The following LARGE1 variants were observed in gnomAD, a reference collection of about 807,000 sequenced individuals.
LARGE1 encodes the protein xylosyl- and glucuronyltransferase LARGE1.
Under a neutral mutation model 87.6 loss-of-function variants are expected in LARGE1, and 43 were observed. The ratio of observed to expected loss-of-function variants is 0.49; its 90% CI spans 0.38 to 0.63. The LOEUF (loss-of-function observed/expected upper bound fraction) is 0.63, where lower values mean the gene tolerates loss of function less well. Among genes scored for constraint, LARGE1 ranks in the 30% least tolerant of loss-of-function variants. The probability of loss-of-function intolerance (pLI) is 0.00; values close to 1 mark genes in which losing one functional copy is unlikely to be tolerated. For synonymous variants in LARGE1, 434 were observed against 394.6 expected (o/e 1.10, Z -1.18); for missense variants, 802 against 1,000.2 (o/e 0.80, Z 2.67).
intron 1 of LARGE1, among the ~76,000 whole-genome samples, chr22:33,876,027 T>C (rs1448979939): frequency 1.3e-5 from 2 of 152,192 alleles, no homozygotes; most frequent in Non-Finnish European, 2.9e-5. Flanking sequence ...CTTGGGATTT[T>C]AGAACAAAAC....
chr22:33,819,780 A>C (rs564134771), intron 1 of LARGE1, among the ~76,000 whole-genome samples: 133 of 152,288 alleles, frequency 8.7e-4, no homozygotes, highest in Non-Finnish European at 1.4e-3. Flanking sequence ...GTGTGTTTCT[A>C]AGAAACTCAG....
the LARGE1 span, among the ~76,000 whole-genome samples, chr22:33,130,628 G>A: frequency 6.6e-6 from 1 of 152,102 alleles, no homozygotes; most frequent in Non-Finnish European, 1.5e-5. Flanking sequence ...AAACAATAAT[G>A]AGGCCACTAG....
intron 6 of LARGE1, among the ~76,000 whole-genome samples, chr22:33,551,682 C>T (rs1439935225): frequency 1.3e-5 from 2 of 152,170 alleles, no homozygotes; most frequent in Non-Finnish European, 2.9e-5. Context: ...TTATTAGGTC[C>T]TAACCTACTC....
At chr22:33,376,965 A>G (rs1162222571) in intron 9 of LARGE1, among the ~76,000 whole-genome samples, 1 of 152,202 alleles carries the variant, frequency 6.6e-6, no homozygotes, top group Non-Finnish European at 1.5e-5. Flanking sequence ...CCTAGCTGCC[A>G]TTCATTCTCT....
intron 3 of LARGE1, among the ~76,000 whole-genome samples, chr22:33,636,002 T>G (rs1379911372): frequency 6.6e-6 from 1 of 152,138 alleles, no homozygotes; most frequent in Non-Finnish European, 1.5e-5. Context: ...ACAAGGAGTC[T>G]CTTGGTGTCC....
At chr22:33,392,489 T>C (rs767574880) in intron 7 of LARGE1, among the ~76,000 whole-genome samples, 21 of 152,080 alleles carry the variant, frequency 1.4e-4, no homozygotes, top group Non-Finnish European at 2.8e-4. Context: ...CAAAACCCTG[T>C]CTCTACTAAA....
At chr22:33,701,103 T>C (rs1261833500) in intron 2 of LARGE1, among the ~76,000 whole-genome samples, 1 of 152,160 alleles carries the variant, frequency 6.6e-6, no homozygotes, top group Non-Finnish European at 1.5e-5. Flanking sequence ...GTGATGCTGA[T>C]GCTTTTTGTA....
chr22:33,198,919 A>T (rs934522939), intron 11 of LARGE1, among the ~76,000 whole-genome samples: 2 of 152,120 alleles, frequency 1.3e-5, no homozygotes, highest in African/African-American at 4.8e-5. Flanking sequence ...AAAAATTTCC[A>T]TGCTGTTTTC....
intron 10 of LARGE1, among the ~76,000 whole-genome samples, chr22:33,336,802 C>T (rs1033540402): frequency 3.9e-5 from 6 of 152,050 alleles, no homozygotes; most frequent in South Asian, 2.1e-4. Flanking sequence ...TGGCTCACAC[C>T]TGTAATTCCA....
intron 1 of LARGE1, among the ~76,000 whole-genome samples, chr22:33,846,442 T>C (rs1250370352): frequency 6.6e-6 from 1 of 152,140 alleles, no homozygotes; most frequent in African/African-American, 2.4e-5. Flanking sequence ...CATGTGATAA[T>C]TGCGTTAACT....
chr22:33,842,938 CA>C (rs1197257698), intron 1 of LARGE1, among the ~76,000 whole-genome samples: 1 of 150,856 alleles, frequency 6.6e-6, no homozygotes, highest in African/African-American at 2.5e-5. Flanking sequence ...CAAAACAAAA[CA>C]AAACAAAACA....
At chr22:33,299,015 C>T (rs1933762951) in intron 12 of LARGE1, among the ~76,000 whole-genome samples, 1 of 151,860 alleles carries the variant, frequency 6.6e-6, no homozygotes, top group Non-Finnish European at 1.5e-5. Context: ...TCAAGACCAG[C>T]CTGGGCAACA....
the LARGE1 span, among the ~76,000 whole-genome samples, chr22:33,127,660 A>G: frequency 6.6e-6 from 1 of 152,226 alleles, no homozygotes; most frequent in African/African-American, 2.4e-5. Flanking sequence ...AGGATAGTGG[A>G]GAAGACAGTG....
At chr22:33,675,292 CAAAA>C (rs71320987) in intron 2 of LARGE1, among the ~76,000 whole-genome samples, 620 of 32,898 alleles carry the variant, frequency 0.019, 8 homozygotes, top group African/African-American at 0.066. Context: ...GAAACTCCAT[CAAAA>C]AAAAAAAAAA....
chr22:33,245,773 G>A (rs188616566), intron 11 of LARGE1, among the ~76,000 whole-genome samples: 1 of 152,180 alleles, frequency 6.6e-6, no homozygotes, highest in Non-Finnish European at 1.5e-5. Context: ...GCCAGGCGTG[G>A]TGGTGCATGC....
intron 1 of LARGE1, among the ~76,000 whole-genome samples, chr22:33,812,437 C>T (rs1198708155): frequency 6.6e-6 from 1 of 152,236 alleles, no homozygotes; most frequent in Non-Finnish European, 1.5e-5. Flanking sequence ...TGATGACTCT[C>T]TCTTTGCATA....
At chr22:33,299,433 G>T (rs1240432178) in intron 12 of LARGE1, among the ~76,000 whole-genome samples, 3 of 152,124 alleles carry the variant, frequency 2.0e-5, no homozygotes, top group Non-Finnish European at 4.4e-5. Context: ...CTGACACATA[G>T]TACATGCTCA....
intron 2 of LARGE1, among the ~76,000 whole-genome samples, chr22:33,709,863 G>A (rs956186109): frequency 2.0e-5 from 3 of 151,576 alleles, no homozygotes; most frequent in East Asian, 2.0e-4. Context: ...CTGACCTCAG[G>A]TGATCTGCCC....
chr22:33,246,462 G>T (rs939044039), intron 11 of LARGE1, among the ~76,000 whole-genome samples: 1 of 152,154 alleles, frequency 6.6e-6, no homozygotes, highest in South Asian at 2.1e-4. Context: ...TCTGGCCAAC[G>T]TGGCAAAACC....
Sources: gnomAD v4.1 joint callset for allele counts (sites outside exome capture counted in the v4.1 genomes callset) on GRCh38, gnomAD v4.1.1 for gene constraint, MANE v1.5 for transcripts, NCBI Gene and HGNC (gene_info 2026-07-23, HGNC 2026-07-21) for gene names.